Variants in CCDC146 observed in about 807,000 individuals in gnomAD.
The protein encoded by CCDC146 is coiled-coil domain containing 146.
Under a neutral mutation model 119.3 loss-of-function variants are expected in CCDC146, and 92 were observed. That is an observed-to-expected ratio of 0.77 (90% CI 0.65 to 0.92). CCDC146 has a LOEUF of 0.92. Ranked by LOEUF, CCDC146 falls within the 40% of genes least tolerant of loss-of-function variation. The pLI is 0.00. For synonymous variants in CCDC146, 372 were observed against 371.8 expected, an observed-to-expected ratio of 1.00 and a Z score of -0.01; for missense variants, 1,000 against 1,103.0, an observed-to-expected ratio of 0.91 and a Z score of 1.32.
At chr7:77,292,616 CAAAA>C (rs61250624) in intron 17 of CCDC146, among the ~76,000 whole-genome samples, 34 of 90,012 alleles carry the variant, frequency 3.8e-4, no homozygotes, top group South Asian at 1.0e-3. Context: ...GACTCAGTCT[CAAAA>C]AAAAAAAAAA....
At chr7:77,219,586 A>G (rs1792363857) in intron 2 of CCDC146, among the ~76,000 whole-genome samples, 1 of 152,254 alleles carries the variant, frequency 6.6e-6, no homozygotes. Context: ...TACATAAACT[A>G]AAAGATTCTG....
rs200990586 is a variant in CCDC146, at chr7:77,203,040, C to G, written c.157-33907C>G. ...GGAAAATAAAATACTTGCCCCCCCC[C>G]CCCCCAGGACTATTTTAGGAATGAA... is the stretch of plus-strand genomic sequence containing the variant. On this transcript the variant is annotated intron_variant, in intron 2 of 18. Transcript: ENST00000285871. 7.7e-4 allele frequency among the ~76,000 whole-genome samples: 111 copies of G among 143,466 alleles called. 1 individual carries two copies. Among genetic ancestry groups the G allele is most frequent in the African/African-American group, 2.3e-3 (86 of 37,942 alleles). The allele number at this position is 143,466 out of a possible 152,430, so 94.1% of individuals were successfully genotyped here.
At chr7:77,211,822 G>T (rs901163119) in intron 2 of CCDC146, among the ~76,000 whole-genome samples, 1 of 151,962 alleles carries the variant, frequency 6.6e-6, no homozygotes, top group African/African-American at 2.4e-5. Flanking sequence ...CACCATGTTG[G>T]CCAGTCTGGT....
intron 4 of CCDC146, among the ~76,000 whole-genome samples, chr7:77,243,158 A>G (rs1017923307): frequency 6.6e-6 from 1 of 152,366 alleles, no homozygotes; most frequent in African/African-American, 2.4e-5. Context: ...AACATAAGTC[A>G]GTTGATATTT....
At chr7:77,252,017 C>G (rs1793071994) in intron 4 of CCDC146, among the ~76,000 whole-genome samples, 1 of 152,070 alleles carries the variant, frequency 6.6e-6, no homozygotes, top group South Asian at 2.1e-4. Flanking sequence ...GACGTGGTGG[C>G]ACGTGCCTAT....
intron 2 of CCDC146, among the ~76,000 whole-genome samples, chr7:77,212,078 G>A (rs1792194982): frequency 6.6e-6 from 1 of 152,098 alleles, no homozygotes; most frequent in African/African-American, 2.4e-5. Context: ...TATATGCAAT[G>A]CACTTAGACA....
At chr7:77,159,745 T>G (rs1791230814) in intron 1 of CCDC146, among the ~76,000 whole-genome samples, 1 of 152,222 alleles carries the variant, frequency 6.6e-6, no homozygotes, top group South Asian at 2.1e-4. Flanking sequence ...ACCTTCCCAC[T>G]AACAGTGTAC....
chr7:77,123,380 G>C (rs1291252159), intron 1 of CCDC146, among the ~76,000 whole-genome samples: 1 of 148,694 alleles, frequency 6.7e-6, no homozygotes, highest in East Asian at 2.0e-4. Flanking sequence ...AATGAAGAAA[G>C]ATGGTTCTAA....
intron 1 of CCDC146, among the ~76,000 whole-genome samples, chr7:77,148,326 G>A (rs1791055647): frequency 2.0e-5 from 3 of 152,148 alleles, no homozygotes; most frequent in South Asian, 2.1e-4. Context: ...CCCTTGGCTA[G>A]GAAAGGGAAT....
chr7:77,198,518 GTTCTAC>G (rs1293480925), intron 2 of CCDC146: 2 of 155,334 alleles, frequency 1.3e-5, no homozygotes, highest in African/African-American at 4.8e-5. Flanking sequence ...GTGAGGATGG[GTTCTAC>G]TTCTATCTGC....
Position 77,196,585 on chromosome 7 carries a change from T to C in CCDC146, c.156+28761T>C. ...TGTTGAAACGTAATGCATCTCCAGCTGTGCCATTATAGTTACCAACGTGTA... is the reference window on the plus strand; with the variant it reads ...TGTTGAAACGTAATGCATCTCCAGCCGTGCCATTATAGTTACCAACGTGTA... On this transcript the variant is annotated intron_variant, in intron 2 of 18. Transcript: ENST00000285871. This position sits in a 1 kb window ranked among gnomAD's most constrained non-coding sequence, Gnocchi z 4.2. 2 of 1,614,214 alleles carry C rather than the reference T, an allele frequency of 1.2e-6. No homozygotes were observed. The highest frequency in any genetic ancestry group is 8.5e-7 in the Non-Finnish European group (1 of 1,180,018).
At chr7:77,227,479 G>C (rs967983583) in intron 2 of CCDC146, among the ~76,000 whole-genome samples, 1 of 152,128 alleles carries the variant, frequency 6.6e-6, no homozygotes, top group Non-Finnish European at 1.5e-5. Flanking sequence ...CTAATTTTTT[G>C]TATTTTTAAT....
At chr7:77,131,003 C>T (rs1430857581) in intron 1 of CCDC146, among the ~76,000 whole-genome samples, 2 of 151,734 alleles carry the variant, frequency 1.3e-5, no homozygotes, top group East Asian at 1.9e-4. Flanking sequence ...GCGATTCTCC[C>T]GCCTCAGGTT....
intron 5 of CCDC146, among the ~76,000 whole-genome samples, chr7:77,254,957 A>G (rs542567897): frequency 6.6e-6 from 1 of 152,328 alleles, no homozygotes; most frequent in Non-Finnish European, 1.5e-5. Flanking sequence ...TGCCTAACAA[A>G]TCATCCCAGA....
intron 7 of CCDC146, chr7:77,259,301 T>C (rs1228289487): frequency 3.0e-5 from 12 of 399,086 alleles, no homozygotes; most frequent in Non-Finnish European, 5.4e-5. Flanking sequence ...TGTTGCCAAT[T>C]TATAAATCAT....
intron 6 of CCDC146, among the ~76,000 whole-genome samples, chr7:77,256,774 A>G (rs1793187708): frequency 1.3e-5 from 2 of 152,228 alleles, no homozygotes; most frequent in South Asian, 2.1e-4. Flanking sequence ...ATTTCTGGAC[A>G]TTAGAAACAA....
intron 4 of CCDC146, among the ~76,000 whole-genome samples, chr7:77,249,049 A>G (rs1793007304): frequency 6.6e-6 from 1 of 152,184 alleles, no homozygotes; most frequent in Admixed American, 6.5e-5. Flanking sequence ...CTATGTCCTT[A>G]ACTGATCTTC....
chr7:77,281,676 C>A (rs1350094693), intron 14 of CCDC146, among the ~76,000 whole-genome samples: 1 of 152,082 alleles, frequency 6.6e-6, no homozygotes, highest in Non-Finnish European at 1.5e-5. Context: ...AAATATAGAG[C>A]TGGGATTAGC....
At chr7:77,147,028 C>G (rs1421876546) in intron 1 of CCDC146, among the ~76,000 whole-genome samples, 1 of 152,152 alleles carries the variant, frequency 6.6e-6, no homozygotes, top group Non-Finnish European at 1.5e-5. Flanking sequence ...TCCATTCTCC[C>G]CGTCACTTTA....
Sources: allele counts gnomAD v4.1 joint callset (sites outside exome capture counted in the v4.1 genomes callset), GRCh38; gene constraint gnomAD v4.1.1; non-coding constraint Gnocchi (gnomAD v3.1); transcripts MANE v1.5; gene names NCBI Gene and HGNC (gene_info 2026-07-23, HGNC 2026-07-21).